Variants in PIP5K1C observed in about 807,000 individuals in gnomAD.
PIP5K1C encodes phosphatidylinositol 4-phosphate 5-kinase type-1 gamma.
Under a neutral mutation model 80.1 loss-of-function variants are expected in PIP5K1C, and 45 were observed. That is an observed-to-expected ratio of 0.56 (90% CI 0.44 to 0.72). The LOEUF (loss-of-function observed/expected upper bound fraction) is 0.72, where lower values mean the gene tolerates loss of function less well. PIP5K1C is among the 30% of genes least tolerant of loss of function. PIP5K1C has a pLI of 0.00. For synonymous variants in PIP5K1C, 498 were observed against 420.1 expected (o/e 1.19, Z -2.27); for missense variants, 753 against 954.6 (o/e 0.79, Z 2.78).
chr19:3,636,672 G>A (rs1222566268), intron 16 of PIP5K1C: 1 of 985,658 alleles, frequency 1.0e-6, no homozygotes, highest in Non-Finnish European at 1.2e-6. Context: ...AGCAGCCGGG[G>A]AAGTGGTCTC....
chr19:3,671,206 G>C (rs926505977), intron 1 of PIP5K1C, among the ~76,000 whole-genome samples: 5 of 152,124 alleles, frequency 3.3e-5, no homozygotes, highest in African/African-American at 1.2e-4. Context: ...CCCCTCTGGG[G>C]CCCCCCCACA....
In PIP5K1C at chr19:3,638,938, T is replaced by C; in HGVS notation, c.1866A>G (p.Ala622=). The change falls in exon 16 of 18, where the codon GCA becomes GCG. Residue 622 remains alanine, a synonymous_variant. Transcript: ENST00000335312. The part of the protein sequence containing the change: ...TASQASDEEG[A]PASQASDEED... ...CCTCGTCCGAGGCCTGGCTGGCAGG[T>C]GCGCCCTCCTCGTCTGAGGCCTGGC... 3.1e-6 allele frequency: 5 copies of C among 1,612,168 alleles called. No individual in the cohort carries two copies. The highest frequency in any genetic ancestry group is 1.3e-5 in the African/African-American group (1 of 74,910).
intron 1 of PIP5K1C, among the ~76,000 whole-genome samples, chr19:3,698,930 G>GC (rs2036207621): frequency 4.6e-5 from 6 of 131,794 alleles, no homozygotes; most frequent in East Asian, 2.2e-4. Flanking sequence ...GCCCTCCCCG[G>GC]CCCCCCACCC....
At chr19:3,663,509 T>G (rs1197072043) in intron 3 of PIP5K1C, among the ~76,000 whole-genome samples, 1 of 152,134 alleles carries the variant, frequency 6.6e-6, no homozygotes, top group African/African-American at 2.4e-5. Flanking sequence ...TCCATGCCAC[T>G]GGGCACCAAG....
chr19:3,680,486 T>C (rs943066471), intron 1 of PIP5K1C, among the ~76,000 whole-genome samples: 1 of 152,136 alleles, frequency 6.6e-6, no homozygotes, highest in African/African-American at 2.4e-5. Flanking sequence ...TCTATTTTTA[T>C]AGAGATGGCG....
chr19:3,643,088 C>T lies in PIP5K1C; in HGVS notation c.1650-149G>A, dbSNP rs560563453. Reference sequence around the variant, plus strand: ...CCTCCCTCCCACACATTGGATGCTCCGCCCCCGCGCACCCACATGCAGTGT... The same window carrying T: ...CCTCCCTCCCACACATTGGATGCTCTGCCCCCGCGCACCCACATGCAGTGT... On this transcript the variant is annotated intron_variant, in intron 13 of 17. Transcript: ENST00000335312. 22 of 1,456,862 alleles carry T rather than the reference C, an allele frequency of 1.5e-5. No individual in the cohort carries two copies. The South Asian group carries it at 2.1e-4, about 14-fold the overall frequency. 90.2% of individuals were successfully genotyped at this position (1,456,862 alleles called of 1,614,324 possible).
chr19:3,649,072 C>G lies in PIP5K1C; in HGVS notation c.1128-364G>C, dbSNP rs140265498. 8.6e-3 allele frequency among the ~76,000 whole-genome samples: 1,282 copies of G among 149,168 alleles called. 7 individuals are homozygous for G. Among genetic ancestry groups the G allele is most frequent in the African/African-American group, 0.029 (1,183 of 40,396 alleles). On this transcript the variant is annotated intron_variant, in intron 8 of 17. Transcript: ENST00000335312. ...ATTGTCACCCGGCACCATGCCCACA[C>G]GTCCCCTGCCCAGCGCGGGAGTTAA...
chr19:3,681,071 CCT>C lies in PIP5K1C; in HGVS notation c.95-13720_95-13719del, dbSNP rs565453780. On this transcript the variant is annotated intron_variant, in intron 1 of 17. Transcript: ENST00000335312. The stretch of plus-strand genomic sequence containing the variant: ...GAGACTGGGATGGTAGAATCTCGCC[CCT>C]GTTCGCCCCCCGCATCTGCACACAC... 6.6e-4 allele frequency among the ~76,000 whole-genome samples: 101 copies of C among 152,152 alleles called. 1 individual carries two copies. In the South Asian group the frequency reaches 0.016, roughly 23 times the overall value.
chr19:3,684,703 G>A (rs2035698727), intron 1 of PIP5K1C, among the ~76,000 whole-genome samples: 2 of 152,208 alleles, frequency 1.3e-5, no homozygotes, highest in Non-Finnish European at 2.9e-5. Flanking sequence ...CATAATCCAC[G>A]AATCCCACCA....
Position 3,637,363 on chromosome 19 carries a change from G to C in PIP5K1C, c.1920+1521C>G, listed in dbSNP as rs1273566134. The C allele has an allele frequency of 1.3e-6, 2 of 1,535,356 alleles. No homozygotes were observed. The highest frequency in any genetic ancestry group is 8.7e-7 in the Non-Finnish European group (1 of 1,146,690). On this transcript the variant is annotated intron_variant, in intron 16 of 17. Coordinates refer to ENST00000335312, the MANE Select transcript of PIP5K1C (RefSeq NM_012398.3). This position sits in a 1 kb window ranked among gnomAD's most constrained non-coding sequence, Gnocchi z 7.0. ...CATTCCCAGTGACGCATGCAGCCCA[G>C]CGCCTGGTCCGGGGCCAGCGTGGCT...
intron 15 of PIP5K1C, among the ~76,000 whole-genome samples, chr19:3,640,807 C>G (rs1291809913): frequency 6.6e-6 from 1 of 151,578 alleles, no homozygotes; most frequent in East Asian, 2.0e-4. Context: ...CTGCCTCAGC[C>G]TCCTAAGTAG....
chr19:3,668,061 G>GC (rs1282927832), intron 1 of PIP5K1C, among the ~76,000 whole-genome samples: 21 of 151,640 alleles, frequency 1.4e-4, no homozygotes, highest in Admixed American at 1.4e-3. Flanking sequence ...TGGCTCCTGG[G>GC]CCCGCAGCCT....
In PIP5K1C at chr19:3,632,855, T is replaced by C. The variant is rs1472766297; in HGVS notation, c.*312A>G. The C allele has an allele frequency of 1.9e-5, 8 of 420,170 alleles. No homozygotes were observed. The East Asian group carries it at 2.6e-4, about 14-fold the overall frequency. 26.0% of individuals were successfully genotyped at this position (420,170 alleles called of 1,614,324 possible). A position where few individuals can be genotyped will look rare whatever the true frequency, so the allele number is the denominator to read the frequency against. ...CTTCTCCCTCTGGTTGGTTTGTTTG[T>C]GTCTTTTTTGTTCTTTTCCTAAAAC... On this transcript the variant is annotated 3_prime_UTR_variant, in exon 18 of 18. Transcript: ENST00000335312.
chr19:3,667,295 G>A (rs918456394), intron 2 of PIP5K1C, 27 bp downstream of exon 2: 45 of 1,608,488 alleles, frequency 2.8e-5, no homozygotes, highest in Non-Finnish European at 3.7e-5. Flanking sequence ...GGGGACCCCA[G>A]GCCCTTCGTC....
In PIP5K1C at chr19:3,696,445, C is replaced by T. The variant is rs950921732; in HGVS notation, c.94+3852G>A. On this transcript the variant is annotated intron_variant, in intron 1 of 17. Coordinates refer to ENST00000335312, the MANE Select transcript of PIP5K1C (RefSeq NM_012398.3). The surrounding 1 kb of genome is among the most constrained non-coding windows in gnomAD (Gnocchi z 4.1). ...CAGGTGGTGACAAACGCTATGGTGG[C>T]ACAATCAGGGAAGAGGAACCGGGAG... is the stretch of plus-strand genomic sequence containing the variant. 1.3e-5 allele frequency among the ~76,000 whole-genome samples: 2 copies of T among 152,156 alleles called. No homozygotes were observed. Among genetic ancestry groups the T allele is most frequent in the African/African-American group, 4.8e-5 (2 of 41,442 alleles).
At chr19:3,656,648 G>T in intron 5 of PIP5K1C, 91 bp from the exon 6 acceptor site, 1 of 1,436,602 alleles carries the variant, frequency 7.0e-7, no homozygotes, top group Non-Finnish European at 9.7e-7. Context: ...CCCAGGAACT[G>T]ATGACGGGTC....
Position 3,636,244 on chromosome 19 carries a change from A to T in PIP5K1C, c.1920+2640T>A, listed in dbSNP as rs114846118. The T allele has an allele frequency of 1.0e-3, 318 of 306,658 alleles. 1 individual carries two copies. The highest frequency in any genetic ancestry group is 6.1e-3 in the African/African-American group (270 of 44,420). The allele number at this position is 306,658 out of a possible 1,614,324, so 19.0% of individuals were successfully genotyped here. On this transcript the variant is annotated intron_variant, in intron 16 of 17. Transcript: ENST00000335312. ...ACAGAGAGGGACACCCTCAGCCAGC[A>T]GCTGGGCAGACAGGGGAAGTGGGGG... is the stretch of plus-strand genomic sequence containing the variant.
chr19:3,681,418 G>A (rs1019981473), intron 1 of PIP5K1C, among the ~76,000 whole-genome samples: 10 of 151,950 alleles, frequency 6.6e-5, no homozygotes, highest in Admixed American at 1.3e-4. Flanking sequence ...TTCTAGTAGC[G>A]ACGGAATTTT....
chr19:3,667,806 T>C (rs1258084327), intron 1 of PIP5K1C, among the ~76,000 whole-genome samples: 2 of 152,194 alleles, frequency 1.3e-5, no homozygotes, highest in Non-Finnish European at 2.9e-5. Context: ...CCCCGCTTCC[T>C]CGGAGGCAGG....
Sources: gnomAD v4.1 joint callset for allele counts (sites outside exome capture counted in the v4.1 genomes callset) on GRCh38, gnomAD v4.1.1 for gene constraint, Gnocchi (gnomAD v3.1) non-coding constraint, MANE v1.5 for transcripts, NCBI Gene and HGNC (gene_info 2026-07-23, HGNC 2026-07-21) for gene names.